The following GLOD4 variants were observed in gnomAD, a reference collection of about 807,000 sequenced individuals.
GLOD4 encodes glyoxalase domain containing 4.
In GLOD4, 44 loss-of-function variants were observed where a neutral mutation model predicts 39.1. That is an observed-to-expected ratio of 1.13 (90% CI 0.88 to 1.45). The LOEUF (loss-of-function observed/expected upper bound fraction) is 1.45, where lower values mean the gene tolerates loss of function less well. Ranked by LOEUF, GLOD4 falls within the 40% of genes most tolerant of loss-of-function variation. The probability of loss-of-function intolerance (pLI) is 0.00; values close to 1 mark genes in which losing one functional copy is unlikely to be tolerated. For synonymous variants in GLOD4, 145 were observed against 135.0 expected (o/e 1.07, Z -0.52); for missense variants, 405 against 366.4 (o/e 1.11, Z -0.86).
At chr17:782,953 G>A, upstream of GLOD4, 2 of 1,328,804 alleles carry the variant, frequency 1.5e-6, no homozygotes, top group East Asian at 2.4e-5. Flanking sequence ...CTCCCAATGT[G>A]CTGGGATTAC....
rs369639855 is a variant in GLOD4 at position 771,317 on chromosome 17, T to C, written c.543+8A>G. 3.8e-6 allele frequency: 6 copies of C among 1,570,594 alleles called. No homozygotes were observed. The highest frequency in any genetic ancestry group is 2.3e-5 in the East Asian group (1 of 43,946). On this transcript the variant is annotated splice_region_variant and intron_variant, in intron 5 of 8. Coordinates refer to ENST00000301329, the MANE Select transcript of GLOD4 (RefSeq NM_016080.4). Reference sequence around the variant, plus strand: ...AGTAACAGGTTATTCTTCTCCAAGATTGCTCACCTGGTTATCAGCATAGCC... The same window carrying C: ...AGTAACAGGTTATTCTTCTCCAAGACTGCTCACCTGGTTATCAGCATAGCC...
At chr17:762,582 T>C (rs932510870) in intron 8 of GLOD4, among the ~76,000 whole-genome samples, 2 of 140,130 alleles carry the variant, frequency 1.4e-5, no homozygotes, top group Admixed American at 1.5e-4. Context: ...GTGCGTGATC[T>C]TCAGGGATGA....
intron 8 of GLOD4, among the ~76,000 whole-genome samples, chr17:763,398 C>A (rs1460355176): frequency 6.6e-6 from 1 of 151,540 alleles, no homozygotes; most frequent in Non-Finnish European, 1.5e-5. Flanking sequence ...ATCCCAGCTA[C>A]TCGGGAATCC....
chr17:785,447 T>C (rs1043940249), upstream of GLOD4, among the ~76,000 whole-genome samples: 1 of 152,168 alleles, frequency 6.6e-6, no homozygotes, highest in African/African-American at 2.4e-5. Context: ...GTAGAGATCA[T>C]TAAATAAGGA....
At chr17:769,035 G>A (rs977687957) in intron 8 of GLOD4, among the ~76,000 whole-genome samples, 5 of 152,256 alleles carry the variant, frequency 3.3e-5, no homozygotes, top group Admixed American at 2.6e-4. Context: ...AAGGATGGGA[G>A]CTTTCAGCGC....
chr17:773,938 T>C (rs752495058), intron 4 of GLOD4, among the ~76,000 whole-genome samples: 1 of 152,294 alleles, frequency 6.6e-6, no homozygotes, highest in Non-Finnish European at 1.5e-5. Context: ...TCTGACCACA[T>C]TGTCAACCAG....
In GLOD4 at chr17:771,906, G is replaced by A. The variant is rs561276926; in HGVS notation, c.407-445C>T. On this transcript the variant is annotated intron_variant, in intron 4 of 8. Transcript: ENST00000301329. ...CGCACGCCTGTAATCCCAGCTACTC[G>A]GGAGGCTGAGACAGGAGAATTGCTT... is the stretch of plus-strand genomic sequence containing the variant. 5.2e-4 allele frequency among the ~76,000 whole-genome samples: 79 copies of A among 151,768 alleles called. 1 individual carries two copies. The Middle Eastern group carries it at 0.01, about 20-fold the overall frequency.
Position 763,539 on chromosome 17 carries a change from T to A in GLOD4, c.832-3301A>T, listed in dbSNP as rs187236461. The A allele has an allele frequency of 5.8e-4, 89 of 152,150 alleles. 2 individuals are homozygous for A. Among genetic ancestry groups the A allele is most frequent in the African/African-American group, 1.9e-3 (80 of 41,514 alleles). The allele number at this position is 152,150 out of a possible 1,614,324, so 9.4% of individuals were successfully genotyped here. Reference sequence around the variant, plus strand: ...CCATCTCAAAAAATAAATAAATAAATAAAAATAAAGCACTTAAGAACGTAC... The same window carrying A: ...CCATCTCAAAAAATAAATAAATAAAAAAAAATAAAGCACTTAAGAACGTAC... On this transcript the variant is annotated intron_variant, in intron 8 of 8. Transcript: ENST00000301329.
intron 8 of GLOD4, among the ~76,000 whole-genome samples, chr17:768,054 G>A (rs1226852): frequency 2.2e-4 from 30 of 135,012 alleles, no homozygotes; most frequent in East Asian, 7.0e-4. Flanking sequence ...GAGAGGACGT[G>A]AGAGAGAGAA....
At chr17:783,168 G>C (rs1221655975), upstream of GLOD4, 3 of 1,614,054 alleles carry the variant, frequency 1.9e-6, no homozygotes, top group South Asian at 3.3e-5. Flanking sequence ...CATTTCAGAC[G>C]CTCTCAAGGC....
chr17:772,295 G>A (rs537815012), intron 4 of GLOD4, among the ~76,000 whole-genome samples: 5 of 149,636 alleles, frequency 3.3e-5, no homozygotes, highest in South Asian at 2.1e-4. Flanking sequence ...TTACATCTTC[G>A]AAATAAATGA....
At chr17:776,558 C>CCTG (rs1328868867) in intron 3 of GLOD4, among the ~76,000 whole-genome samples, 2 of 152,180 alleles carry the variant, frequency 1.3e-5, no homozygotes, top group African/African-American at 2.4e-5. Context: ...TAGGAGGCCC[C>CCTG]CTGCAGTCTT....
intron 8 of GLOD4, chr17:763,988 G>A (rs546247951): frequency 6.6e-6 from 1 of 152,356 alleles, no homozygotes; most frequent in South Asian, 2.1e-4. Context: ...GTCAAGGTAA[G>A]AGTCACGTAA....
At chr17:764,764 T>G (rs1168137062) in intron 8 of GLOD4, 3 of 150,778 alleles carry the variant, frequency 2.0e-5, no homozygotes, top group African/African-American at 7.3e-5. Flanking sequence ...ATCCCAGCCC[T>G]TTGGGAGGCC....
intron 8 of GLOD4, 77 bp from the exon 9 acceptor site, chr17:760,315 T>C (rs2144243681): frequency 1.3e-6 from 1 of 746,332 alleles, no homozygotes. Context: ...TATCTCACTG[T>C]ACTGACCACA....
intron 4 of GLOD4, among the ~76,000 whole-genome samples, chr17:772,680 T>C (rs1908176337): frequency 6.6e-6 from 1 of 151,966 alleles, no homozygotes; most frequent in African/African-American, 2.4e-5. Context: ...AACAAGGAAT[T>C]AGAATGGTCA....
intron 8 of GLOD4, among the ~76,000 whole-genome samples, chr17:762,365 G>A (rs952946152): frequency 3.9e-5 from 6 of 152,234 alleles, no homozygotes; most frequent in African/African-American, 1.2e-4. Context: ...GGAGCAGGGC[G>A]CAGAGGAAGA....
upstream of GLOD4, chr17:783,224 A>G (rs1237343720): frequency 3.7e-6 from 6 of 1,614,036 alleles, no homozygotes; most frequent in Non-Finnish European, 4.2e-6. Flanking sequence ...TAGAATACCT[A>G]AAGGAGTTGC....
intron 8 of GLOD4, chr17:764,767 G>A (rs1906152740): frequency 6.6e-6 from 1 of 151,548 alleles, no homozygotes; most frequent in East Asian, 2.1e-4. Flanking sequence ...CCAGCCCTTT[G>A]GGAGGCCAAG....
Sources: gnomAD v4.1 joint callset for allele counts (sites outside exome capture counted in the v4.1 genomes callset) on GRCh38, gnomAD v4.1.1 for gene constraint, MANE v1.5 for transcripts, NCBI Gene and HGNC (gene_info 2026-07-23, HGNC 2026-07-21) for gene names.